FAM174B: variants seen among roughly 807,000 people sequenced by gnomAD.
The protein encoded by FAM174B is family with sequence similarity 174 member B.
A neutral mutation model predicts 10.9 loss-of-function variants in FAM174B; 12 were observed. That is an observed-to-expected ratio of 1.10 (90% confidence interval 0.71 to 1.79). FAM174B has a LOEUF of 1.79. Among genes scored for constraint, FAM174B ranks in the 40% most tolerant of loss-of-function variants. The pLI, the probability that FAM174B is intolerant of heterozygous loss-of-function variation, is 0.00. For missense variants in FAM174B, 266 were observed against 233.3 expected (o/e 1.14, Z -0.91); for synonymous variants, 132 against 115.8 (o/e 1.14, Z -0.90).
chr15:92,628,868 A>G (rs1011139431), intron 2 of FAM174B, among the ~76,000 whole-genome samples: 3 of 152,260 alleles, frequency 2.0e-5, no homozygotes, highest in Non-Finnish European at 4.4e-5. Flanking sequence ...CTTAACAAAA[A>G]TGTATAAAAC....
chr15:92,639,664 C>T (rs896970423), intron 1 of FAM174B, among the ~76,000 whole-genome samples: 7 of 152,112 alleles, frequency 4.6e-5, no homozygotes, highest in Non-Finnish European at 8.8e-5. Flanking sequence ...CCTTCATGAA[C>T]GGTTTGGCAC....
chr15:92,644,309 C>T (rs758672564), intron 1 of FAM174B, among the ~76,000 whole-genome samples: 26 of 152,098 alleles, frequency 1.7e-4, no homozygotes, highest in Non-Finnish European at 2.2e-4. Flanking sequence ...GAGCTCCACC[C>T]GACACCTTCC....
At position 92,630,348 on chromosome 15, in the gene FAM174B, G is replaced by A; in HGVS notation, c.345-3C>T. On this transcript the variant is annotated splice_polypyrimidine_tract_variant and splice_region_variant and intron_variant, in intron 1 of 2. Transcript: ENST00000327355. ...TCTTCTTTAACCTCTTTCCCGACCT[G>A]CAGGAGAAGAAGCACATTCATGAGA... 1.2e-6 allele frequency: 2 copies of A among 1,608,192 alleles called. No individual in the cohort carries two copies. Among genetic ancestry groups the A allele is most frequent in the Non-Finnish European group, 1.7e-6 (2 of 1,176,884 alleles).
chr15:92,639,688 C>G (rs2050877906), intron 1 of FAM174B, among the ~76,000 whole-genome samples: 1 of 152,138 alleles, frequency 6.6e-6, no homozygotes, highest in Admixed American at 6.5e-5. Flanking sequence ...CCTCTTCGCG[C>G]TGTTCTTATG....
intron 1 of FAM174B, among the ~76,000 whole-genome samples, chr15:92,638,903 C>A (rs936208169): frequency 6.6e-6 from 1 of 152,220 alleles, no homozygotes; most frequent in Admixed American, 6.5e-5. Flanking sequence ...GCCCCTCCTG[C>A]GTCATCCACA....
intron 1 of FAM174B, among the ~76,000 whole-genome samples, chr15:92,631,174 ATATAT>A (rs1271335968): frequency 6.6e-5 from 2 of 30,158 alleles, no homozygotes; most frequent in African/African-American, 1.7e-4. Flanking sequence ...ATAATAATTT[ATATAT>A]TATATTATAT....
chr15:92,624,086 A>C (rs889969859), intron 2 of FAM174B, among the ~76,000 whole-genome samples: 10 of 152,188 alleles, frequency 6.6e-5, no homozygotes, highest in African/African-American at 2.4e-4. Context: ...CTAAATGAAA[A>C]TTGCCCGCAG....
At chr15:92,647,158 T>C (rs2050933878) in intron 1 of FAM174B, among the ~76,000 whole-genome samples, 1 of 152,244 alleles carries the variant, frequency 6.6e-6, no homozygotes, top group South Asian at 2.1e-4. Context: ...TAAATACTAG[T>C]TGCTATTATT....
At chr15:92,628,359 T>C (rs1314303019) in intron 2 of FAM174B, among the ~76,000 whole-genome samples, 29 of 105,804 alleles carry the variant, frequency 2.7e-4, no homozygotes, top group African/African-American at 9.4e-4. Flanking sequence ...TTTTTTTTTT[T>C]TGTAGAAGTG....
Position 92,630,813 on chromosome 15 carries a change from T to G in FAM174B, c.345-468A>C, listed in dbSNP as rs1263762803. ...TACATATTACATATTATATATATTTTATATATTACATATTATATATTATAT... is the reference window on the plus strand; with the variant it reads ...TACATATTACATATTATATATATTTGATATATTACATATTATATATTATAT... On this transcript the variant is annotated intron_variant, in intron 1 of 2. Coordinates refer to ENST00000327355, the MANE Select transcript of FAM174B (RefSeq NM_207446.3). Among the ~76,000 whole-genome samples, 5 of 49,302 alleles carry G rather than the reference T, an allele frequency of 1.0e-4. 2 individuals are homozygous for G. The highest frequency in any genetic ancestry group is 1.2e-3 in the South Asian group (2 of 1,612). 32.3% of individuals were successfully genotyped at this position (49,302 alleles called of 152,430 possible). A position where few individuals can be genotyped will look rare whatever the true frequency, so the allele number is the denominator to read the frequency against.
intron 1 of FAM174B, among the ~76,000 whole-genome samples, chr15:92,644,423 G>A (rs983745085): frequency 6.6e-6 from 1 of 152,138 alleles, no homozygotes; most frequent in African/African-American, 2.4e-5. Context: ...TAAGTCACAT[G>A]AGGCAAAAGC....
intron 1 of FAM174B, among the ~76,000 whole-genome samples, chr15:92,636,839 C>A (rs1038452043): frequency 1.6e-4 from 25 of 152,240 alleles, no homozygotes; most frequent in Admixed American, 6.5e-5. Flanking sequence ...GAGTTCGCAG[C>A]CACTTGACTT....
At chr15:92,640,213 T>C (rs527352910) in intron 1 of FAM174B, among the ~76,000 whole-genome samples, 6 of 152,258 alleles carry the variant, frequency 3.9e-5, no homozygotes, top group African/African-American at 1.4e-4. Context: ...AATCCATTTT[T>C]TTAAAAAAGG....
Position 92,618,954 on chromosome 15 carries a change from T to C in FAM174B, c.*502A>G, listed in dbSNP as rs1022808450. On this transcript the variant is annotated 3_prime_UTR_variant, in exon 3 of 3. Coordinates refer to ENST00000327355, the MANE Select transcript of FAM174B (RefSeq NM_207446.3). The stretch of plus-strand genomic sequence containing the variant: ...AACTCTGACACAGGTAACGCCAAAA[T>C]GAGGCCAGGACCTGACCAAGCCAAA... 8 of 556,014 alleles carry C rather than the reference T, an allele frequency of 1.4e-5. No individual in the cohort carries two copies. Among genetic ancestry groups the C allele is most frequent in the Admixed American group, 9.5e-5 (3 of 31,572 alleles). 34.4% of individuals were successfully genotyped at this position (556,014 alleles called of 1,614,324 possible). A position where few individuals can be genotyped will look rare whatever the true frequency, so the allele number is the denominator to read the frequency against.
intron 2 of FAM174B, among the ~76,000 whole-genome samples, chr15:92,622,467 A>G (rs2141947516): frequency 6.6e-6 from 1 of 152,352 alleles, no homozygotes; most frequent in East Asian, 1.9e-4. Context: ...GCACTCAGGA[A>G]CAATACTCCA....
chr15:92,653,574 A>G (rs1280689433), intron 1 of FAM174B, among the ~76,000 whole-genome samples: 3 of 152,240 alleles, frequency 2.0e-5, no homozygotes, highest in Non-Finnish European at 2.9e-5. Flanking sequence ...GATGAACTGG[A>G]CTTCCCAACC....
intron 2 of FAM174B, among the ~76,000 whole-genome samples, chr15:92,622,613 G>T (rs549212933): frequency 1.0e-4 from 16 of 152,382 alleles, no homozygotes; most frequent in African/African-American, 3.8e-4. Flanking sequence ...GGGGCTTGGG[G>T]GGCAGAGGCT....
At chr15:92,622,069 G>A (rs1361750540) in intron 2 of FAM174B, among the ~76,000 whole-genome samples, 1 of 152,226 alleles carries the variant, frequency 6.6e-6, no homozygotes, top group African/African-American at 2.4e-5. Flanking sequence ...GGGCTCTGGG[G>A]AAAGCAGCCG....
chr15:92,641,338 C>T (rs1386494697), intron 1 of FAM174B, among the ~76,000 whole-genome samples: 1 of 152,130 alleles, frequency 6.6e-6, no homozygotes, highest in Non-Finnish European at 1.5e-5. Flanking sequence ...AAGGTATAGC[C>T]CTTAGTCGGC....
Sources: gnomAD v4.1 joint callset for allele counts (sites outside exome capture counted in the v4.1 genomes callset) on GRCh38, gnomAD v4.1.1 for gene constraint, MANE v1.5 for transcripts, NCBI Gene and HGNC (gene_info 2026-07-23, HGNC 2026-07-21) for gene names.